ZNF462: variants seen among roughly 807,000 people sequenced by gnomAD.
ZNF462 encodes zinc finger PBX1-interacting protein.
In ZNF462, 10 loss-of-function variants were observed where a neutral mutation model predicts 201.9. That is an observed-to-expected ratio of 0.05 (90% CI 0.03 to 0.08). The LOEUF (loss-of-function observed/expected upper bound fraction) is 0.08. ZNF462 is among the 10% of genes least tolerant of loss of function. ZNF462 has a pLI of 1.00. For synonymous variants in ZNF462, 1,227 were observed against 1,193.3 expected (o/e 1.03, Z -0.58); for missense variants, 2,523 against 3,168.3 (o/e 0.80, Z 4.89).
At position 106,932,610 on chromosome 9, in the gene ZNF462, T is replaced by G; in HGVS notation, c.6116+61T>G. ...GAGATGATGTCATAGTGGAAGGCAC[T>G]AAGCTAAAGCAGAAGCTTGGATGAG... On this transcript the variant is annotated intron_variant, in intron 5 of 12. Coordinates refer to ENST00000277225, the MANE Select transcript of ZNF462 (RefSeq NM_021224.6). This position sits in a 1 kb window ranked among gnomAD's most constrained non-coding sequence, Gnocchi z 6.8. 1.9e-6 allele frequency: 3 copies of G among 1,609,270 alleles called. No homozygotes were observed. The highest frequency in any genetic ancestry group is 2.5e-6 in the Non-Finnish European group (3 of 1,176,636).
rs1009046021 is a variant in ZNF462 at position 106,963,447 on chromosome 9, G to A, written c.6428-8558G>A. Among the ~76,000 whole-genome samples the A allele has an allele frequency of 1.3e-5, 2 of 151,982 alleles. No individual in the cohort carries two copies. The highest frequency in any genetic ancestry group is 2.4e-5 in the African/African-American group (1 of 41,384). On this transcript the variant is annotated intron_variant, in intron 7 of 12. Transcript: ENST00000277225. The surrounding 1 kb of genome is among the most constrained non-coding windows in gnomAD (Gnocchi z 4.7). ...TTCTAAGCAATTGAGATACATCAGC[G>A]AAAAAGACAGCATGAACCCTTGCTC...
chr9:106,946,542 G>T (rs775965975), intron 7 of ZNF462, among the ~76,000 whole-genome samples: 1 of 152,174 alleles, frequency 6.6e-6, no homozygotes, highest in Non-Finnish European at 1.5e-5. Flanking sequence ...TACATAGGCA[G>T]AAGGAAGGGT....
At chr9:106,906,983 T>C (rs917129583) in intron 1 of ZNF462, among the ~76,000 whole-genome samples, 2 of 152,216 alleles carry the variant, frequency 1.3e-5, no homozygotes, top group African/African-American at 4.8e-5. Context: ...ATTTTTCTAA[T>C]GTTTCATCAT....
chr9:106,896,621 C>T (rs911920773), intron 1 of ZNF462, among the ~76,000 whole-genome samples: 1 of 152,158 alleles, frequency 6.6e-6, no homozygotes, highest in African/African-American at 2.4e-5. Flanking sequence ...AGTATATAAT[C>T]CCCTGAGGAC....
rs1348801515 is a variant in ZNF462 at position 106,865,132 on chromosome 9, A to G, written c.-31+1777A>G. Among the ~76,000 whole-genome samples, 1 of 152,174 alleles carries G rather than the reference A, an allele frequency of 6.6e-6. No individual in the cohort carries two copies. The highest frequency in any genetic ancestry group is 1.5e-5 in the Non-Finnish European group (1 of 68,030). On this transcript the variant is annotated intron_variant, in intron 1 of 12. Coordinates refer to ENST00000277225, the MANE Select transcript of ZNF462 (RefSeq NM_021224.6). The surrounding 1 kb of genome is among the most constrained non-coding windows in gnomAD (Gnocchi z 4.1). Reference sequence around the variant, plus strand: ...AAATGAGGGCTTTTAAGGGTTCCTCAGATTTTTCTCCACCAAAGAGTGCTT... The same window carrying G: ...AAATGAGGGCTTTTAAGGGTTCCTCGGATTTTTCTCCACCAAAGAGTGCTT...
rs895984880 is a variant in ZNF462 at position 106,962,632 on chromosome 9, A to G, written c.6428-9373A>G. ...TGTTTGTATCATTTTGCAGGCTAAT[A>G]TTTTGTTTTGTTTTGTTTTCTCAAT... is the stretch of plus-strand genomic sequence containing the variant. On this transcript the variant is annotated intron_variant, in intron 7 of 12. Transcript: ENST00000277225. The surrounding 1 kb of genome is among the most constrained non-coding windows in gnomAD (Gnocchi z 4.6). 1.1e-4 allele frequency among the ~76,000 whole-genome samples: 16 copies of G among 151,920 alleles called. No individual in the cohort carries two copies. The highest frequency in any genetic ancestry group is 9.2e-4 in the Admixed American group (14 of 15,230).
rs1023933405 is a variant in ZNF462, at chr9:106,882,887, G to A, written c.-31+19532G>A. ...GGTATGGAAGCCTCAAGGAATATAG[G>A]GAAAAACGTTATGGAAAAAAATGAT... On this transcript the variant is annotated intron_variant, in intron 1 of 12. Coordinates refer to ENST00000277225, the MANE Select transcript of ZNF462 (RefSeq NM_021224.6). Among the ~76,000 whole-genome samples, 37 of 152,160 alleles carry A rather than the reference G, an allele frequency of 2.4e-4. 1 individual carries two copies. The highest frequency in any genetic ancestry group is 5.0e-4 in the Non-Finnish European group (34 of 67,994).
chr9:106,903,949 G>A (rs1182830101), intron 1 of ZNF462, among the ~76,000 whole-genome samples: 1 of 152,120 alleles, frequency 6.6e-6, no homozygotes, highest in African/African-American at 2.4e-5. Flanking sequence ...AGGTACCATT[G>A]CTTTCATCAT....
intron 10 of ZNF462, among the ~76,000 whole-genome samples, chr9:106,986,193 C>T (rs186531172): frequency 6.6e-6 from 1 of 152,188 alleles, no homozygotes; most frequent in Non-Finnish European, 1.5e-5. Context: ...ATGTTAGAAA[C>T]CATAGAACCA....
chr9:106,868,584 C>T (rs1202533174), intron 1 of ZNF462, among the ~76,000 whole-genome samples: 2 of 152,142 alleles, frequency 1.3e-5, no homozygotes, highest in Admixed American at 6.5e-5. Context: ...GCAGAACTTC[C>T]AACTTAGAAG....
chr9:106,879,172 C>T (rs1827972432), intron 1 of ZNF462, among the ~76,000 whole-genome samples: 1 of 152,094 alleles, frequency 6.6e-6, no homozygotes. Context: ...GTTCTGTTAC[C>T]ACCGCTGTGA....
Position 106,935,722 on chromosome 9 carries a change from A to G in ZNF462, c.6235+101A>G. ...AATACTGTCCTGCCTTACACTTGAG[A>G]ATGTTATTCTTGGGATGGATGTATA... On this transcript the variant is annotated intron_variant, in intron 6 of 12. Coordinates refer to ENST00000277225, the MANE Select transcript of ZNF462 (RefSeq NM_021224.6). The surrounding 1 kb of genome is among the most constrained non-coding windows in gnomAD (Gnocchi z 4.1). The G allele has an allele frequency of 1.1e-6, 1 of 873,566 alleles. No individual in the cohort carries two copies. Among genetic ancestry groups the G allele is most frequent in the Admixed American group, 2.3e-5 (1 of 44,268 alleles). The allele number at this position is 873,566 out of a possible 1,614,324, so 54.1% of individuals were successfully genotyped here.
chr9:106,885,761 C>T lies in ZNF462; in HGVS notation c.-31+22406C>T, dbSNP rs187363511. Reference sequence around the variant, plus strand: ...TCATGCTACCATCAAGACTTTAGAACAAGGACAACTTGAAGTGGCTATCTT... The same window carrying T: ...TCATGCTACCATCAAGACTTTAGAATAAGGACAACTTGAAGTGGCTATCTT... On this transcript the variant is annotated intron_variant, in intron 1 of 12. Coordinates refer to ENST00000277225, the MANE Select transcript of ZNF462 (RefSeq NM_021224.6). This position sits in a 1 kb window ranked among gnomAD's most constrained non-coding sequence, Gnocchi z 4.1. Among the ~76,000 whole-genome samples, 3 of 152,278 alleles carry T rather than the reference C, an allele frequency of 2.0e-5. No individual in the cohort carries two copies. In the East Asian group the frequency reaches 5.8e-4, roughly 29 times the overall value.
chr9:107,000,970 A>C (rs1052164487), intron 10 of ZNF462, among the ~76,000 whole-genome samples: 4 of 152,284 alleles, frequency 2.6e-5, no homozygotes, highest in Middle Eastern at 3.4e-3. Context: ...TGAATGAATT[A>C]AAACAACTGG....
At chr9:106,899,566 A>G (rs537982917) in intron 1 of ZNF462, among the ~76,000 whole-genome samples, 7 of 152,302 alleles carry the variant, frequency 4.6e-5, no homozygotes, top group Non-Finnish European at 5.9e-5. Flanking sequence ...ACAGTGAGCA[A>G]TGGGAGACAG....
chr9:106,983,896 C>T (rs1415904302), intron 9 of ZNF462, among the ~76,000 whole-genome samples: 1 of 152,184 alleles, frequency 6.6e-6, no homozygotes, highest in Non-Finnish European at 1.5e-5. Flanking sequence ...GCCTTAATCA[C>T]CTCCATTCAG....
intron 4 of ZNF462, among the ~76,000 whole-genome samples, chr9:106,931,975 G>A (rs1412701507): frequency 6.6e-6 from 1 of 152,148 alleles, no homozygotes; most frequent in African/African-American, 2.4e-5. Flanking sequence ...TTTTAAGATG[G>A]GGAAGAAGTG....
Position 106,939,070 on chromosome 9 carries a change from A to G in ZNF462, c.6390A>G (p.Gln2130=). 1 of 1,611,400 alleles carries G rather than the reference A, an allele frequency of 6.2e-7. No individual in the cohort carries two copies. Among genetic ancestry groups the G allele is most frequent in the Non-Finnish European group, 8.5e-7 (1 of 1,179,002 alleles). ...CCTCACACTCCCACCACTCCTCCCAAAAAGCTACCCCGGCTGAAGAAGTGG... is the reference window on the plus strand; with the variant it reads ...CCTCACACTCCCACCACTCCTCCCAGAAAGCTACCCCGGCTGAAGAAGTGG... ...LLSSHSHHSS[Q]KATPAEEVED... Residue 2130 remains glutamine, a synonymous_variant, in exon 7 of 13, where the codon CAA becomes CAG. Transcript: ENST00000277225.
intron 1 of ZNF462, among the ~76,000 whole-genome samples, chr9:106,901,921 T>C (rs1829080999): frequency 6.6e-6 from 1 of 152,162 alleles, no homozygotes; most frequent in Non-Finnish European, 1.5e-5. Flanking sequence ...TTCTTTCTAT[T>C]GTCTGATTGC....
Sources: allele counts gnomAD v4.1 joint callset (sites outside exome capture counted in the v4.1 genomes callset), GRCh38; gene constraint gnomAD v4.1.1; non-coding constraint Gnocchi (gnomAD v3.1); transcripts MANE v1.5; gene names NCBI Gene and HGNC (gene_info 2026-07-23, HGNC 2026-07-21).